The following PARN variants were observed in gnomAD, a reference collection of about 807,000 sequenced individuals.
The protein encoded by PARN is poly(A)-specific ribonuclease.
In PARN, 71 loss-of-function variants were observed where a neutral mutation model predicts 102.8. That is an observed-to-expected ratio of 0.69 (90% CI 0.57 to 0.84). The LOEUF (loss-of-function observed/expected upper bound fraction) is 0.84, where lower values mean the gene tolerates loss of function less well. Among genes scored for constraint, PARN ranks in the 40% least tolerant of loss-of-function variants. PARN has a pLI of 0.00. For missense variants in PARN, 782 were observed against 760.9 expected, an observed-to-expected ratio of 1.03 and a Z score of -0.33; for synonymous variants, 261 against 252.9, an observed-to-expected ratio of 1.03 and a Z score of -0.30.
intron 21 of PARN, among the ~76,000 whole-genome samples, chr16:14,505,572 A>G (rs1596533712): frequency 6.6e-6 from 1 of 152,172 alleles, no homozygotes; most frequent in African/African-American, 2.4e-5. Context: ...GATTAATCTA[A>G]GCATCATTTT....
chr16:14,441,898 T>G (rs1960958024), intron 23 of PARN, among the ~76,000 whole-genome samples: 2 of 152,298 alleles, frequency 1.3e-5, no homozygotes, highest in South Asian at 4.1e-4. Flanking sequence ...TTTTATACTG[T>G]AACCCTTAGG....
intron 5 of PARN, among the ~76,000 whole-genome samples, chr16:14,621,806 C>CA (rs1346479153): frequency 0.027 from 1,567 of 57,950 alleles, 9 homozygotes; most frequent in African/African-American, 0.033. Flanking sequence ...GGCTTCGTCT[C>CA]AAAAAAAAAA....
chr16:14,503,985 T>G (rs1447889142), intron 21 of PARN, among the ~76,000 whole-genome samples: 2 of 152,172 alleles, frequency 1.3e-5, no homozygotes, highest in African/African-American at 4.8e-5. Flanking sequence ...GGGCATGATA[T>G]CAACAGTCCT....
chr16:14,462,650 G>GAGAAGAAGA (rs146679843), intron 22 of PARN, among the ~76,000 whole-genome samples: 3 of 150,616 alleles, frequency 2.0e-5, no homozygotes, highest in Admixed American at 1.3e-4. Context: ...GAGACAGAGA[G>GAGAAGAAGA]AGAAGAAGAA....
chr16:14,573,126 C>A (rs1382343550), intron 18 of PARN, among the ~76,000 whole-genome samples: 1 of 152,146 alleles, frequency 6.6e-6, no homozygotes, highest in African/African-American at 2.4e-5. Context: ...AAGCAATCCA[C>A]CTCCCTGGCC....
intron 23 of PARN, among the ~76,000 whole-genome samples, chr16:14,438,097 T>C (rs191887862): frequency 2.0e-5 from 3 of 152,174 alleles, no homozygotes; most frequent in East Asian, 1.9e-4. Context: ...GAAGTGAAGA[T>C]GGGCAGGAGA....
intron 22 of PARN, among the ~76,000 whole-genome samples, chr16:14,451,789 G>A (rs779009669): frequency 2.4e-4 from 31 of 131,462 alleles, no homozygotes; most frequent in Non-Finnish European, 6.3e-5. Context: ...CAGGAGGATT[G>A]CTTGAGCCCA....
intron 23 of PARN, among the ~76,000 whole-genome samples, chr16:14,439,439 G>A (rs1960854446): frequency 6.9e-6 from 1 of 144,164 alleles, no homozygotes; most frequent in African/African-American, 2.5e-5. Flanking sequence ...AGGGAGGGAG[G>A]AAGGGAGGGA....
chr16:14,512,850 G>A (rs149003020), intron 21 of PARN, among the ~76,000 whole-genome samples: 17 of 152,178 alleles, frequency 1.1e-4, no homozygotes, highest in East Asian at 5.8e-4. Context: ...ATTTTTAAGC[G>A]GTTTTTGTTG....
intron 18 of PARN, among the ~76,000 whole-genome samples, chr16:14,575,148 C>T (rs1477546031): frequency 6.6e-6 from 1 of 152,182 alleles, no homozygotes; most frequent in African/African-American, 2.4e-5. Flanking sequence ...AGAACTTCTG[C>T]TAGGGCAGTG....
chr16:14,451,458 A>G (rs1448328738), intron 22 of PARN, among the ~76,000 whole-genome samples: 1 of 152,096 alleles, frequency 6.6e-6, no homozygotes, highest in Non-Finnish European at 1.5e-5. Flanking sequence ...GCAATTAAAA[A>G]ATGAATTACT....
At chr16:14,542,600 G>C (rs536250472) in intron 21 of PARN, among the ~76,000 whole-genome samples, 1 of 151,408 alleles carries the variant, frequency 6.6e-6, no homozygotes, top group South Asian at 2.1e-4. Context: ...AGAAACATAG[G>C]CTCCAAATGA....
chr16:14,519,494 T>C (rs1965630199), intron 21 of PARN, among the ~76,000 whole-genome samples: 1 of 152,010 alleles, frequency 6.6e-6, no homozygotes, highest in Non-Finnish European at 1.5e-5. Context: ...CAGAGCTCTT[T>C]GTAGAAGTGC....
chr16:14,445,704 C>T (rs1961170553), intron 23 of PARN, among the ~76,000 whole-genome samples: 1 of 152,124 alleles, frequency 6.6e-6, no homozygotes, highest in Admixed American at 6.5e-5. Flanking sequence ...CTGGGACTAC[C>T]GGCATGCGCC....
intron 21 of PARN, among the ~76,000 whole-genome samples, chr16:14,505,777 A>G (rs1313166226): frequency 6.6e-6 from 1 of 152,232 alleles, no homozygotes; most frequent in Non-Finnish European, 1.5e-5. Flanking sequence ...ACTTCTGAAA[A>G]TAATTCTAGT....
At chr16:14,461,543 T>G (rs1467810787) in intron 22 of PARN, among the ~76,000 whole-genome samples, 1 of 152,206 alleles carries the variant, frequency 6.6e-6, no homozygotes, top group African/African-American at 2.4e-5. Flanking sequence ...AAGTTTGTGC[T>G]GGCGTTACTT....
chr16:14,522,736 C>G (rs776798111), intron 21 of PARN, among the ~76,000 whole-genome samples: 31 of 152,090 alleles, frequency 2.0e-4, no homozygotes, highest in Admixed American at 6.5e-5. Flanking sequence ...AAGGCTGCCC[C>G]CTCCAAGTGA....
At chr16:14,514,408 G>A (rs938334634) in intron 21 of PARN, among the ~76,000 whole-genome samples, 1 of 151,860 alleles carries the variant, frequency 6.6e-6, no homozygotes, top group Non-Finnish European at 1.5e-5. Context: ...GGATGATCTC[G>A]ATCTCCTGAC....
chr16:14,558,227 G>A (rs1255010748), intron 18 of PARN: 1 of 152,258 alleles, frequency 6.6e-6, no homozygotes, highest in African/African-American at 2.4e-5. Context: ...GAGGTCAGGA[G>A]TTTGAGACCA....
Sources: gnomAD v4.1 joint callset for allele counts (sites outside exome capture counted in the v4.1 genomes callset) on GRCh38, gnomAD v4.1.1 for gene constraint, MANE v1.5 for transcripts, NCBI Gene and HGNC (gene_info 2026-07-23, HGNC 2026-07-21) for gene names.